STMN1: variants seen among roughly 807,000 people sequenced by gnomAD.
STMN1 encodes the protein stathmin 1.
A neutral mutation model predicts 19.7 loss-of-function variants in STMN1; 3 were observed. That is an observed-to-expected ratio of 0.15 (90% confidence interval 0.07 to 0.39). The LOEUF (loss-of-function observed/expected upper bound fraction) is 0.39, where lower values mean the gene tolerates loss of function less well. STMN1 is among the 10% of genes least tolerant of loss of function. The pLI is 1.00. For synonymous variants in STMN1, 59 were observed against 58.9 expected (o/e 1.00, Z -0.01); for missense variants, 99 against 176.0 (o/e 0.56, Z 2.48).
At position 25,894,835 on chromosome 1, in the gene STMN1, G is replaced by A. The variant is rs1323979082; in HGVS notation, c.378+6656C>T. ...GATCCTCCCTCCTCGGCCTCCCAAA[G>A]TGCTGGGATTACAGGTGTGTACCAC... is the stretch of plus-strand genomic sequence containing the variant. On this transcript the variant is annotated intron_variant, in intron 4 of 4. Transcript: ENST00000426559. Among the ~76,000 whole-genome samples, 3 of 152,164 alleles carry A rather than the reference G, an allele frequency of 2.0e-5. No individual in the cohort carries two copies. The East Asian group carries it at 5.8e-4, about 29-fold the overall frequency.
chr1:25,889,880 C>T (rs912309281), intron 4 of STMN1, among the ~76,000 whole-genome samples: 2 of 152,318 alleles, frequency 1.3e-5, no homozygotes, highest in East Asian at 1.9e-4. Context: ...CTTCCTCACA[C>T]CTGCTAGTTC....
At chr1:25,888,157 C>T (rs1055469630) in intron 4 of STMN1, among the ~76,000 whole-genome samples, 1 of 152,148 alleles carries the variant, frequency 6.6e-6, no homozygotes, top group Non-Finnish European at 1.5e-5. Flanking sequence ...AATCAGAACA[C>T]CTCCGTCAGA....
intron 4 of STMN1, chr1:25,887,421 T>C (rs1048396966): frequency 5.5e-6 from 2 of 364,344 alleles, no homozygotes; most frequent in Admixed American, 6.9e-5. Flanking sequence ...CCGGTGATGC[T>C]GAAACAAAGT....
chr1:25,901,113 C>T (rs776006948), intron 4 of STMN1, 26 bp from the exon 5 acceptor site: 2 of 963,186 alleles, frequency 2.1e-6, no homozygotes, highest in African/African-American at 4.3e-5. Flanking sequence ...AAGGTGTCAT[C>T]AGTCAAAAAA....
Position 25,900,931 on chromosome 1 carries a change from G to C in STMN1, c.*85C>G. The C allele has an allele frequency of 1.2e-6, 2 of 1,603,756 alleles. No homozygotes were observed. The highest frequency in any genetic ancestry group is 1.7e-6 in the Non-Finnish European group (2 of 1,175,712). On this transcript the variant is annotated 3_prime_UTR_variant, in exon 5 of 5. Coordinates refer to ENST00000455785, the MANE Select transcript of STMN1 (RefSeq NM_005563.4). Reference sequence around the variant, plus strand: ...CATTAGCTTCTAAAATATTTGTCAGGAGGGAAAAAATAAAATGACACTGGC... The same window carrying C: ...CATTAGCTTCTAAAATATTTGTCAGCAGGGAAAAAATAAAATGACACTGGC...
downstream of STMN1, among the ~76,000 whole-genome samples, chr1:25,896,599 T>C (rs1308593061): frequency 6.6e-6 from 1 of 152,242 alleles, no homozygotes; most frequent in African/African-American, 2.4e-5. Context: ...TTGGCCACGA[T>C]GGAAGCAGGC....
At chr1:25,901,915 C>T (rs1438726204) in intron 3 of STMN1, 9 of 314,412 alleles carry the variant, frequency 2.9e-5, no homozygotes, top group Non-Finnish European at 2.9e-5. Flanking sequence ...GAGGCTGAGG[C>T]AGAAGAATTG....
rs1319312504 is a variant in STMN1 at position 25,900,265 on chromosome 1, A to G, written c.*751T>C. Reference sequence around the variant, plus strand: ...TGAGATTCTCTCTCAACTGTTCTCTAGAAACACGCTTGTGCTTTTAATCTG... The same window carrying G: ...TGAGATTCTCTCTCAACTGTTCTCTGGAAACACGCTTGTGCTTTTAATCTG... On this transcript the variant is annotated 3_prime_UTR_variant, in exon 5 of 5. Transcript: ENST00000455785. 1 of 985,810 alleles carries G rather than the reference A, an allele frequency of 1.0e-6. No individual in the cohort carries two copies. The highest frequency in any genetic ancestry group is 1.7e-5 in the African/African-American group (1 of 57,252). The allele number at this position is 985,810 out of a possible 1,614,324, so 61.1% of individuals were successfully genotyped here.
intron 4 of STMN1, among the ~76,000 whole-genome samples, chr1:25,890,477 G>T (rs961538469): frequency 6.6e-6 from 1 of 152,230 alleles, no homozygotes; most frequent in Non-Finnish European, 1.5e-5. Flanking sequence ...TCTTAAACAG[G>T]CTTGTTTACT....
Position 25,901,685 on chromosome 1 carries a change from G to A in STMN1, c.187-3C>T. Reference sequence around the variant, plus strand: ...TTCAAGACCTCAGCTTCATGGGACTGGAAAAAAAAGTTTAATAGGCTAGGC... The same window carrying A: ...TTCAAGACCTCAGCTTCATGGGACTAGAAAAAAAAGTTTAATAGGCTAGGC... On this transcript the variant is annotated splice_region_variant and splice_polypyrimidine_tract_variant and intron_variant, in intron 3 of 4. Coordinates refer to ENST00000455785, the MANE Select transcript of STMN1 (RefSeq NM_005563.4). The A allele has an allele frequency of 2.5e-6, 4 of 1,598,854 alleles. No homozygotes were observed. Among genetic ancestry groups the A allele is most frequent in the Non-Finnish European group, 2.6e-6 (3 of 1,174,954 alleles).
chr1:25,899,995 C>T (rs546653241), downstream of STMN1: 1 of 734,852 alleles, frequency 1.4e-6, no homozygotes, highest in Non-Finnish European at 1.7e-6. Flanking sequence ...AGAGGCAAAG[C>T]ACTGACAATG....
intron 2 of STMN1, 94 bp from the exon 3 acceptor site, chr1:25,903,907 T>C (rs1355884536): frequency 1.5e-6 from 2 of 1,307,928 alleles, no homozygotes; most frequent in East Asian, 2.5e-5. Context: ...CAATTTAATG[T>C]ATTAAACTAG....
At chr1:25,898,744 G>A (rs1291705896), downstream of STMN1, among the ~76,000 whole-genome samples, 1 of 152,212 alleles carries the variant, frequency 6.6e-6, no homozygotes, top group African/African-American at 2.4e-5. Flanking sequence ...GCCTTATTAG[G>A]CCAATCTATT....
chr1:25,901,732 G>A, intron 3 of STMN1, 50 bp from the exon 4 acceptor site: 1 of 1,540,594 alleles, frequency 6.5e-7, no homozygotes, highest in Non-Finnish European at 8.7e-7. Flanking sequence ...TATTCAGGCT[G>A]GGTGTGGTGG....
In STMN1 at chr1:25,900,232, T is replaced by C; in HGVS notation, c.*784A>G. 1 of 985,888 alleles carries C rather than the reference T, an allele frequency of 1.0e-6. No homozygotes were observed. Among genetic ancestry groups the C allele is most frequent in the Non-Finnish European group, 1.2e-6 (1 of 829,936 alleles). The allele number at this position is 985,888 out of a possible 1,614,324, so 61.1% of individuals were successfully genotyped here. ...AACGTAGAGCAAGCAAACCACCAAG[T>C]AGAATCTTGAGATTCTCTCTCAACT... is the stretch of plus-strand genomic sequence containing the variant. On this transcript the variant is annotated 3_prime_UTR_variant, in exon 5 of 5. Transcript: ENST00000455785.
chr1:25,896,025 CAGG>C (rs544862340), downstream of STMN1, among the ~76,000 whole-genome samples: 17 of 152,310 alleles, frequency 1.1e-4, no homozygotes, highest in East Asian at 1.5e-3. Context: ...GTGAATGTGA[CAGG>C]AGGAGTCCCT....
Position 25,903,784 on chromosome 1 carries a change from C to A in STMN1, c.43G>T (p.Ala15Ser), listed in dbSNP as rs2048903493. ...ATCAGCTCAAAAGCCTGGCCTGAGG[C>A]ACGCTTCTCCAGTTCTTTCACCTGG... ...DIQVKELEKR[A>S]SGQAFELILS... The change falls in exon 3 of 5, where the codon GCC becomes TCC. Residue 15 changes from alanine (A) to serine (S), a missense_variant. Transcript: ENST00000455785. 6.2e-7 allele frequency: 1 copy of A among 1,610,958 alleles called. No homozygotes were observed.
chr1:25,904,527 A>T, intron 2 of STMN1, 137 bp downstream of exon 2: 1 of 723,150 alleles, frequency 1.4e-6, no homozygotes, highest in Non-Finnish European at 2.4e-6. Context: ...AATCATTTTT[A>T]AATTCTTCTC....
chr1:25,902,392 A>G (rs759204686), intron 3 of STMN1: 3 of 152,240 alleles, frequency 2.0e-5, no homozygotes, highest in Non-Finnish European at 4.4e-5. Context: ...TGATAAAACA[A>G]TGATAGGAAA....
Sources: allele counts gnomAD v4.1 joint callset (sites outside exome capture counted in the v4.1 genomes callset), GRCh38; gene constraint gnomAD v4.1.1; transcripts MANE v1.5; gene names NCBI Gene and HGNC (gene_info 2026-07-23, HGNC 2026-07-21).